The following VPS16 variants were observed in gnomAD, a reference collection of about 807,000 sequenced individuals.
VPS16 encodes the protein vacuolar protein sorting-associated protein 16 homolog.
In VPS16, 82 loss-of-function variants were observed where a neutral mutation model predicts 116.0. The observed-to-expected ratio is 0.71, with a 90% CI of 0.59 to 0.85. VPS16 has a LOEUF of 0.85. Ranked by LOEUF, VPS16 falls within the 40% of genes least tolerant of loss-of-function variation. The pLI is 0.00. For synonymous variants in VPS16, 406 were observed against 420.7 expected (o/e 0.96, Z 0.43); for missense variants, 928 against 1,090.6 (o/e 0.85, Z 2.10).
Position 2,864,836 on chromosome 20 carries a change from G to T in VPS16, c.1927-142G>T. 8.2e-7 allele frequency: 1 copy of T among 1,219,900 alleles called. No individual in the cohort carries two copies. Among genetic ancestry groups the T allele is most frequent in the African/African-American group, 1.5e-5 (1 of 67,320 alleles). The allele number at this position is 1,219,900 out of a possible 1,614,324, so 75.6% of individuals were successfully genotyped here. A position where few individuals can be genotyped will look rare whatever the true frequency, so the allele number is the denominator to read the frequency against. On this transcript the variant is annotated intron_variant, in intron 19 of 23. Coordinates refer to ENST00000380445, the MANE Select transcript of VPS16 (RefSeq NM_022575.4). The surrounding 1 kb of genome is among the most constrained non-coding windows in gnomAD (Gnocchi z 5.2). ...GTCAGAGGAGCTAGCCATCCCTCTA[G>T]GACATCAGAGTGGTGCACCTAGCAG...
rs145876796 is a variant in VPS16 at position 2,860,807 on chromosome 20, C to A, written c.574C>A (p.Leu192Ile). 31 of 1,614,018 alleles carry A rather than the reference C, an allele frequency of 1.9e-5. No individual in the cohort carries two copies. The African/African-American group carries it at 3.7e-4, about 19-fold the overall frequency. ...VLCQDRVAHI[L>I]LAVGPDLYLL... ...GTGCCAGGACCGAGTGGCACACATT[C>A]TTCTGGCTGTGGGGCCTGACCTTTA... is the stretch of plus-strand genomic sequence containing the variant. Residue 192 changes from leucine to isoleucine, a missense_variant, in exon 6 of 24, where the codon CTT (leucine) becomes ATT (isoleucine). Transcript: ENST00000380445. This position sits in a 1 kb window ranked among gnomAD's most constrained non-coding sequence, Gnocchi z 6.1.
rs1482138607 is a variant in VPS16, at chr20:2,860,122, G to A, written c.211G>A (p.Ala71Thr). 1.2e-6 allele frequency: 2 copies of A among 1,614,038 alleles called. No homozygotes were observed. Among genetic ancestry groups the A allele is most frequent in the Middle Eastern group, 1.6e-4 (1 of 6,062 alleles). ...GAGGCCAGTGCTCGATATATACTCTGCTTCCGGCATGCCTCTGGCCAGCCT... is the reference window on the plus strand; with the variant it reads ...GAGGCCAGTGCTCGATATATACTCTACTTCCGGCATGCCTCTGGCCAGCCT... ...SVRPVLDIYSASGMPLASLLW... is the reference protein window; with the variant it reads ...SVRPVLDIYSTSGMPLASLLW... The change falls in exon 3 of 24, where the codon GCT becomes ACT. Residue 71 changes from alanine (A) to threonine (T), a missense_variant. Coordinates refer to ENST00000380445, the MANE Select transcript of VPS16 (RefSeq NM_022575.4). This position sits in a 1 kb window ranked among gnomAD's most constrained non-coding sequence, Gnocchi z 6.1.
chr20:2,860,942 T>G lies in VPS16; in HGVS notation c.631-28T>G. On this transcript the variant is annotated intron_variant, in intron 6 of 23. Coordinates refer to ENST00000380445, the MANE Select transcript of VPS16 (RefSeq NM_022575.4). The surrounding 1 kb of genome is among the most constrained non-coding windows in gnomAD (Gnocchi z 6.1). ...GTTCTGAAAAGTCAGTATGTATCTG[T>G]CCCACCCCTACCCTGGCTCTGCCTC... The G allele has an allele frequency of 1.2e-6, 2 of 1,614,048 alleles. No individual in the cohort carries two copies. The highest frequency in any genetic ancestry group is 2.2e-5 in the South Asian group (2 of 91,078).
chr20:2,840,842 C>CCCCA lies in VPS16; in HGVS notation c.53+16_53+17insCCAC. 6.5e-7 allele frequency: 1 copy of CCCCA among 1,545,860 alleles called. No individual in the cohort carries two copies. The highest frequency in any genetic ancestry group is 8.7e-7 in the Non-Finnish European group (1 of 1,145,502). ...GCCTTTTACCGGTGAGCTGCCCCGC[C>CCCCA]CTCCCGCCCACGGCCTGGCTTACCC... is the stretch of plus-strand genomic sequence containing the variant. On this transcript the variant is annotated intron_variant, in intron 1 of 23. Coordinates refer to ENST00000380445, the MANE Select transcript of VPS16 (RefSeq NM_022575.4).
In VPS16 at chr20:2,860,793, G is replaced by A. The variant is rs754414894; in HGVS notation, c.560G>A (p.Arg187Gln). The change falls in exon 6 of 24, where the codon CGA becomes CAA. Residue 187 changes from arginine to glutamine, a missense_variant. Physicochemically the swap from Arg to Gln is conservative, Grantham distance 43. Coordinates refer to ENST00000380445, the MANE Select transcript of VPS16 (RefSeq NM_022575.4). This position sits in a 1 kb window ranked among gnomAD's most constrained non-coding sequence, Gnocchi z 6.1. The stretch of plus-strand genomic sequence containing the variant: ...TGCTGGACTGTGCTGTGCCAGGACC[G>A]AGTGGCACACATTCTTCTGGCTGTG... ...PSCWTVLCQD[R>Q]VAHILLAVGP... The A allele has an allele frequency of 8.4e-5, 136 of 1,614,064 alleles. No individual in the cohort carries two copies. The highest frequency in any genetic ancestry group is 1.0e-4 in the Non-Finnish European group (123 of 1,180,038).
chr20:2,851,620 C>A (rs1247208942), intron 1 of VPS16, among the ~76,000 whole-genome samples: 1 of 151,494 alleles, frequency 6.6e-6, no homozygotes, highest in Non-Finnish European at 1.5e-5. Flanking sequence ...CGGTATTGCT[C>A]CATTGCACTC....
intron 1 of VPS16, among the ~76,000 whole-genome samples, chr20:2,849,751 T>C (rs933346852): frequency 6.6e-6 from 1 of 152,176 alleles, no homozygotes; most frequent in African/African-American, 2.4e-5. Flanking sequence ...TGCCACCATC[T>C]ATAAAGTCAT....
At chr20:2,852,047 T>C (rs1009231802) in intron 1 of VPS16, among the ~76,000 whole-genome samples, 1 of 152,126 alleles carries the variant, frequency 6.6e-6, no homozygotes, top group African/African-American at 2.4e-5. Context: ...ATGCAGCCAG[T>C]GGCCAGGCAT....
intron 1 of VPS16, chr20:2,841,056 A>G: frequency 1.8e-6 from 1 of 555,972 alleles, no homozygotes; most frequent in Non-Finnish European, 3.2e-6. Context: ...CCCGAAGCCC[A>G]GGTCTGTTAG....
intron 1 of VPS16, 85 bp downstream of exon 1, chr20:2,840,912 C>A: frequency 8.4e-6 from 11 of 1,309,420 alleles, no homozygotes; most frequent in Non-Finnish European, 1.1e-5. Flanking sequence ...TCGCCCCTGT[C>A]ACTACTGGCG....
In VPS16 at chr20:2,861,244, A is replaced by G. The variant is rs373759772; in HGVS notation, c.773A>G (p.Asn258Ser). 4 of 1,614,072 alleles carry G rather than the reference A, an allele frequency of 2.5e-6. No homozygotes were observed. The highest frequency in any genetic ancestry group is 1.7e-5 in the Admixed American group (1 of 60,002). ...ASLKEKLCEF[N>S]CNIRAPPKQM... Reference sequence around the variant, plus strand: ...TTTCAGGAGAAGCTATGTGAGTTCAACTGCAACATCCGGGCACCTCCAAAG... The same window carrying G: ...TTTCAGGAGAAGCTATGTGAGTTCAGCTGCAACATCCGGGCACCTCCAAAG... The change falls in exon 8 of 24, where the codon AAC (asparagine) becomes AGC (serine). Residue 258 changes from asparagine to serine, a missense_variant. Physicochemically the swap from Asn to Ser is conservative, Grantham distance 46. Coordinates refer to ENST00000380445, the MANE Select transcript of VPS16 (RefSeq NM_022575.4).
rs1435267073 is a variant in VPS16 at position 2,862,915 on chromosome 20, A to G, written c.1312A>G (p.Ile438Val). Residue 438 changes from isoleucine (I) to valine (V), a missense_variant, in exon 13 of 24, where the codon ATC becomes GTC. Physicochemically the swap from Ile to Val is conservative, Grantham distance 29 (BLOSUM62 3). Transcript: ENST00000380445. Reference protein sequence around the residue: ...LNAVRDYHIGIPLTYSQYKQL... With the variant: ...LNAVRDYHIGVPLTYSQYKQL... ...TGCTGTTCGGGACTATCACATCGGG[A>G]TCCCGCTCACCTATAGCCAGTATCC... The G allele has an allele frequency of 6.2e-7, 1 of 1,613,906 alleles. No individual in the cohort carries two copies. Among genetic ancestry groups the G allele is most frequent in the Non-Finnish European group, 8.5e-7 (1 of 1,180,000 alleles).
rs1248943227 is a variant in VPS16 at position 2,866,523 on chromosome 20, G to A, written c.2469G>A (p.Gly823=). Residue 823 remains glycine (G), a synonymous_variant, in exon 24 of 24, where the codon GGG becomes GGA. Transcript: ENST00000380445. ...VLSHCTGATD[G]ATADKIQRAR... ...CCCACTGCACGGGAGCCACAGATGGGGCCACAGCTGACAAGATTCAACGGG... is the reference window on the plus strand; with the variant it reads ...CCCACTGCACGGGAGCCACAGATGGAGCCACAGCTGACAAGATTCAACGGG... 4 of 1,614,174 alleles carry A rather than the reference G, an allele frequency of 2.5e-6. No individual in the cohort carries two copies. Among genetic ancestry groups the A allele is most frequent in the African/African-American group, 1.3e-5 (1 of 75,040 alleles).
chr20:2,840,811 G>A lies in VPS16; in HGVS notation c.37G>A (p.Asp13Asn). 6.5e-7 allele frequency: 1 copy of A among 1,548,130 alleles called. No homozygotes were observed. The highest frequency in any genetic ancestry group is 1.2e-5 in the South Asian group (1 of 83,978). The change falls in exon 1 of 24, where the codon GAC (aspartate) becomes AAC (asparagine). Residue 13 changes from aspartate to asparagine, a missense_variant. Asp to Asn is a conservative substitution (Grantham distance 23). Transcript: ENST00000380445. ...CYTANWNPLGDSAFYRKYELY... is the reference protein window; with the variant it reads ...CYTANWNPLGNSAFYRKYELY... ...CACGGCGAACTGGAACCCACTCGGG[G>A]ACTCTGCCTTTTACCGGTGAGCTGC...
rs1200058282 is a variant in VPS16, at chr20:2,861,283, A to AAGGATGGG, written c.809+4_809+11dup. 4 of 1,613,938 alleles carry AAGGATGGG rather than the reference A, an allele frequency of 2.5e-6. No homozygotes were observed. In the African/African-American group the frequency reaches 5.3e-5, roughly 22 times the overall value. On this transcript the variant is annotated splice_donor_region_variant and intron_variant, in intron 8 of 23. Transcript: ENST00000380445. ...GCACCTCCAAAGCAGATGGTCTGGT[A>AAGGATGGG]AGGATGGGGGTGTTATTGCTGGGGG... is the stretch of plus-strand genomic sequence containing the variant.
intron 1 of VPS16, among the ~76,000 whole-genome samples, chr20:2,851,197 T>C (rs541702488): frequency 4.6e-5 from 7 of 152,250 alleles, no homozygotes; most frequent in African/African-American, 1.7e-4. Context: ...AGCAACCCTC[T>C]GAGGCCACAA....
Position 2,863,094 on chromosome 20 carries a change from T to A in VPS16, c.1361T>A (p.Leu454Gln). 6.2e-7 allele frequency: 1 copy of A among 1,613,794 alleles called. No homozygotes were observed. Among genetic ancestry groups the A allele is most frequent in the Non-Finnish European group, 8.5e-7 (1 of 1,179,994 alleles). Reference sequence around the variant, plus strand: ...AAGCAGCTCACCATCCAGGTGCTGCTGGACAGGTAGGGTAAGCCCAAGGGT... The same window carrying A: ...AAGCAGCTCACCATCCAGGTGCTGCAGGACAGGTAGGGTAAGCCCAAGGGT... ...QYKQLTIQVL[L>Q]DRLVLRRLYP... The change falls in exon 14 of 24, where the codon CTG becomes CAG. Residue 454 changes from leucine (L) to glutamine (Q), a missense_variant. Physicochemically the swap from Leu to Gln is moderately radical, Grantham distance 113. Transcript: ENST00000380445. This position sits in a 1 kb window ranked among gnomAD's most constrained non-coding sequence, Gnocchi z 4.4.
In VPS16 at chr20:2,864,600, C is replaced by CA. The variant is rs750666805; in HGVS notation, c.1874dup (p.Asn625LysfsTer21). ...TGAAGGACCTTTACAATCAGGATGA[C>CA]AATCACCAGGAATTGGGCAGCTTCC... On this transcript the variant is annotated frameshift_variant, in exon 19 of 24. Coordinates refer to ENST00000380445, the MANE Select transcript of VPS16 (RefSeq NM_022575.4). LOFTEE classifies it high-confidence loss of function. This position sits in a 1 kb window ranked among gnomAD's most constrained non-coding sequence, Gnocchi z 5.2. 1 of 1,614,024 alleles carries CA rather than the reference C, an allele frequency of 6.2e-7. No individual in the cohort carries two copies.
Position 2,864,138 on chromosome 20 carries a change from T to A in VPS16, c.1612-41T>A, listed in dbSNP as rs1023862122. 7 of 1,613,864 alleles carry A rather than the reference T, an allele frequency of 4.3e-6. No homozygotes were observed. The highest frequency in any genetic ancestry group is 5.1e-6 in the Non-Finnish European group (6 of 1,179,844). On this transcript the variant is annotated intron_variant, in intron 16 of 23. Transcript: ENST00000380445. The surrounding 1 kb of genome is among the most constrained non-coding windows in gnomAD (Gnocchi z 5.2). ...CTGATGTGGTTGTTCAGGGCCCCCA[T>A]GCCAGCTCCTTCTCTCTGTGCCTTC...
Sources: allele counts gnomAD v4.1 joint callset (sites outside exome capture counted in the v4.1 genomes callset), GRCh38; gene constraint gnomAD v4.1.1; non-coding constraint Gnocchi (gnomAD v3.1); transcripts MANE v1.5; gene names NCBI Gene and HGNC (gene_info 2026-07-23, HGNC 2026-07-21).